The following CDH13 variants were observed in gnomAD, a reference collection of about 807,000 sequenced individuals.
CDH13 encodes the protein cadherin 13.
Under a neutral mutation model 63.8 loss-of-function variants are expected in CDH13, and 24 were observed. That is an observed-to-expected ratio of 0.38 (90% CI 0.27 to 0.53). The LOEUF is 0.53. Among genes scored for constraint, CDH13 ranks in the 20% least tolerant of loss-of-function variants. CDH13 has a pLI of 0.85. For synonymous variants in CDH13, 503 were observed against 355.3 expected, an observed-to-expected ratio of 1.42 and a Z score of -4.67; for missense variants, 1,049 against 903.1, an observed-to-expected ratio of 1.16 and a Z score of -2.07.
At chr16:83,375,470 G>T (rs534823484) in intron 6 of CDH13, among the ~76,000 whole-genome samples, 1 of 152,276 alleles carries the variant, frequency 6.6e-6, no homozygotes, top group African/African-American at 2.4e-5. Context: ...AGTATCTGTT[G>T]TGTGCAGAGA....
intron 4 of CDH13, among the ~76,000 whole-genome samples, chr16:83,200,255 G>A (rs778031107): frequency 1.3e-5 from 2 of 152,118 alleles, no homozygotes; most frequent in East Asian, 1.9e-4. Flanking sequence ...TAGCACCGTC[G>A]GCCAAGTTTT....
At chr16:83,005,039 T>C (rs1327832694) in intron 2 of CDH13, among the ~76,000 whole-genome samples, 1 of 152,174 alleles carries the variant, frequency 6.6e-6, no homozygotes, top group Non-Finnish European at 1.5e-5. Flanking sequence ...CTCCCTTTCA[T>C]TCCCTGTTGA....
chr16:82,699,441 G>T (rs1246842129), intron 1 of CDH13, among the ~76,000 whole-genome samples: 2 of 152,160 alleles, frequency 1.3e-5, no homozygotes, highest in African/African-American at 4.8e-5. Context: ...CTGAGAGGAG[G>T]CTGATTTCAA....
chr16:82,805,105 C>G (rs772980827), intron 1 of CDH13, among the ~76,000 whole-genome samples: 1 of 152,114 alleles, frequency 6.6e-6, no homozygotes, highest in East Asian at 1.9e-4. Flanking sequence ...TGTGGACTTG[C>G]TTTTCACTTT....
intron 7 of CDH13, among the ~76,000 whole-genome samples, chr16:83,571,049 C>G (rs115729980): frequency 6.7e-6 from 1 of 149,600 alleles, no homozygotes. Flanking sequence ...TCCTCTCCAG[C>G]GTGAGGGAAC....
intron 1 of CDH13, among the ~76,000 whole-genome samples, chr16:82,765,149 G>A (rs566031502): frequency 3.9e-5 from 6 of 152,178 alleles, no homozygotes; most frequent in African/African-American, 1.4e-4. Flanking sequence ...TGTAGTTTAT[G>A]GATGTGTCAG....
chr16:83,269,700 G>A (rs139400218), intron 5 of CDH13, among the ~76,000 whole-genome samples: 1 of 152,304 alleles, frequency 6.6e-6, no homozygotes, highest in Non-Finnish European at 1.5e-5. Flanking sequence ...CCCTGAATGA[G>A]TGCTCCATGA....
chr16:82,719,534 C>G, intron 1 of CDH13: 1 of 430,740 alleles, frequency 2.3e-6, no homozygotes, highest in South Asian at 1.7e-5. Flanking sequence ...CCTTCCCCCT[C>G]TGTTTTAAGC....
intron 4 of CDH13, among the ~76,000 whole-genome samples, chr16:83,198,364 G>T (rs985965153): frequency 6.6e-6 from 1 of 151,228 alleles, no homozygotes; most frequent in African/African-American, 2.4e-5. Flanking sequence ...ATCATGACCA[G>T]CTCAAGAATA....
At chr16:82,940,297 A>G (rs1457096124) in intron 2 of CDH13, among the ~76,000 whole-genome samples, 1 of 152,092 alleles carries the variant, frequency 6.6e-6, no homozygotes, top group Non-Finnish European at 1.5e-5. Context: ...CCCTTGCAGA[A>G]TCTCAGTTTT....
intron 13 of CDH13, chr16:83,790,017 CA>C (rs1268757343): frequency 1.3e-5 from 2 of 152,100 alleles, no homozygotes; most frequent in Non-Finnish European, 2.9e-5. Context: ...ACGTCACATT[CA>C]TGGCAAGAAA....
At chr16:82,899,383 G>T (rs1385738539) in intron 2 of CDH13, among the ~76,000 whole-genome samples, 1 of 152,120 alleles carries the variant, frequency 6.6e-6, no homozygotes, top group Non-Finnish European at 1.5e-5. Flanking sequence ...AATGGTTTAC[G>T]CAAAAGCCAT....
intron 1 of CDH13, among the ~76,000 whole-genome samples, chr16:82,756,805 AT>A (rs1328531456): frequency 6.6e-6 from 1 of 152,174 alleles, no homozygotes; most frequent in Non-Finnish European, 1.5e-5. Context: ...AGAACTGAAA[AT>A]TGATGATGAG....
chr16:82,641,952 T>C (rs1468884615), intron 1 of CDH13, among the ~76,000 whole-genome samples: 6 of 152,310 alleles, frequency 3.9e-5, no homozygotes, highest in Admixed American at 3.3e-4. Context: ...GCAGAGGTCA[T>C]GGCGCTTGCC....
At chr16:83,156,343 A>T (rs528197752) in intron 4 of CDH13, among the ~76,000 whole-genome samples, 1 of 152,160 alleles carries the variant, frequency 6.6e-6, no homozygotes, top group Admixed American at 6.5e-5. Context: ...TAGTTCCATC[A>T]TGTATGCATC....
intron 1 of CDH13, among the ~76,000 whole-genome samples, chr16:82,848,936 C>G (rs2039373645): frequency 6.6e-6 from 1 of 152,098 alleles, no homozygotes; most frequent in Non-Finnish European, 1.5e-5. Flanking sequence ...GGAAGAGTTC[C>G]TGAAGGAAAC....
At chr16:82,922,414 G>A (rs1330550812) in intron 2 of CDH13, among the ~76,000 whole-genome samples, 1 of 152,176 alleles carries the variant, frequency 6.6e-6, no homozygotes, top group Non-Finnish European at 1.5e-5. Flanking sequence ...ATGCCAGGGA[G>A]TAGAACTCAG....
chr16:82,910,027 G>A (rs1357659166), intron 2 of CDH13, among the ~76,000 whole-genome samples: 1 of 152,146 alleles, frequency 6.6e-6, no homozygotes, highest in Non-Finnish European at 1.5e-5. Context: ...AAATGTACTT[G>A]GAAGTAGTGG....
chr16:82,861,354 T>C (rs983262393), intron 2 of CDH13, among the ~76,000 whole-genome samples: 1 of 152,226 alleles, frequency 6.6e-6, no homozygotes, highest in Non-Finnish European at 1.5e-5. Context: ...AAACACAGCA[T>C]AATCAATCAA....
Sources: allele counts gnomAD v4.1 joint callset (sites outside exome capture counted in the v4.1 genomes callset), GRCh38; gene constraint gnomAD v4.1.1; transcripts MANE v1.5; gene names NCBI Gene and HGNC (gene_info 2026-07-23, HGNC 2026-07-21).